FOXP2: variants seen among roughly 807,000 people sequenced by gnomAD.
FOXP2 encodes forkhead box P2.
In FOXP2, 12 loss-of-function variants were observed where a neutral mutation model predicts 115.8. That is an observed-to-expected ratio of 0.10 (90% CI 0.07 to 0.17). The LOEUF (loss-of-function observed/expected upper bound fraction) is 0.17. Among genes scored for constraint, FOXP2 ranks in the 10% least tolerant of loss-of-function variants. The probability of loss-of-function intolerance (pLI) is 1.00; values close to 1 mark genes in which losing one functional copy is unlikely to be tolerated. For missense variants in FOXP2, 629 were observed against 843.5 expected, an observed-to-expected ratio of 0.75 and a Z score of 3.15; for synonymous variants, 328 against 297.7, an observed-to-expected ratio of 1.10 and a Z score of -1.05.
chr7:114,250,137 A>G (rs1362976874), intron 1 of FOXP2, among the ~76,000 whole-genome samples: 1 of 151,966 alleles, frequency 6.6e-6, no homozygotes, highest in Non-Finnish European at 1.5e-5. Context: ...CTCATTTTTT[A>G]TGGCTGCATA....
intron 2 of FOXP2, among the ~76,000 whole-genome samples, chr7:114,452,325 TA>T (rs1272720233): frequency 1.3e-4 from 19 of 151,424 alleles, no homozygotes; most frequent in African/African-American, 4.8e-5. Flanking sequence ...ATGTGCAACT[TA>T]AAAAAAAATC....
intron 2 of FOXP2, among the ~76,000 whole-genome samples, chr7:114,512,898 A>G (rs1798144907): frequency 6.6e-6 from 1 of 152,122 alleles, no homozygotes; most frequent in African/African-American, 2.4e-5. Flanking sequence ...CCTGGCAAAC[A>G]TGGTGAAACC....
At chr7:114,305,180 C>T (rs1213196552) in intron 2 of FOXP2, among the ~76,000 whole-genome samples, 2 of 152,078 alleles carry the variant, frequency 1.3e-5, no homozygotes, top group Non-Finnish European at 2.9e-5. Flanking sequence ...TATTTAACGT[C>T]AACTGAATTG....
intron 1 of FOXP2, among the ~76,000 whole-genome samples, chr7:114,105,237 G>T (rs73206250): frequency 9.2e-5 from 14 of 151,938 alleles, no homozygotes; most frequent in Non-Finnish European, 2.1e-4. Flanking sequence ...TTAGCCTTTT[G>T]TCTCAATATA....
At chr7:114,655,383 A>C (rs1806526897) in intron 10 of FOXP2, among the ~76,000 whole-genome samples, 1 of 152,210 alleles carries the variant, frequency 6.6e-6, no homozygotes, top group Non-Finnish European at 1.5e-5. Flanking sequence ...AACCTGAATG[A>C]ATAATGTAAT....
At chr7:114,313,902 T>A (rs1296482842) in intron 2 of FOXP2, among the ~76,000 whole-genome samples, 2 of 152,234 alleles carry the variant, frequency 1.3e-5, no homozygotes, top group South Asian at 4.1e-4. Flanking sequence ...TTATCTTGAG[T>A]CTAGTTGTAA....
chr7:114,304,894 A>C (rs1337515158), intron 2 of FOXP2, among the ~76,000 whole-genome samples: 1 of 152,124 alleles, frequency 6.6e-6, no homozygotes, highest in Non-Finnish European at 1.5e-5. Flanking sequence ...TAGAACATTT[A>C]AGAACAGAAA....
intron 2 of FOXP2, among the ~76,000 whole-genome samples, chr7:114,458,967 G>A (rs529130527): frequency 6.6e-6 from 1 of 152,194 alleles, no homozygotes; most frequent in East Asian, 1.9e-4. Flanking sequence ...GTGGTGGCTG[G>A]CTTCATCCGG....
At chr7:114,290,763 A>G (rs1796571002) in intron 2 of FOXP2, among the ~76,000 whole-genome samples, 1 of 152,130 alleles carries the variant, frequency 6.6e-6, no homozygotes, top group South Asian at 2.1e-4. Context: ...GATAGTTCCA[A>G]TACAAACCTA....
chr7:114,108,495 A>AT (rs201058478), intron 1 of FOXP2, among the ~76,000 whole-genome samples: 1,781 of 152,026 alleles, frequency 0.012, 18 homozygotes, highest in Middle Eastern at 0.038. Flanking sequence ...TTCAAATCTA[A>AT]TAGACTGATT....
At chr7:114,453,267 A>T (rs899853784) in intron 2 of FOXP2, among the ~76,000 whole-genome samples, 1 of 152,116 alleles carries the variant, frequency 6.6e-6, no homozygotes, top group Non-Finnish European at 1.5e-5. Flanking sequence ...AACTGAAGAG[A>T]TGGGAGAACC....
intron 3 of FOXP2, among the ~76,000 whole-genome samples, chr7:114,556,304 C>T (rs1195489983): frequency 6.6e-6 from 1 of 152,110 alleles, no homozygotes; most frequent in African/African-American, 2.4e-5. Context: ...CTCTATTCCT[C>T]ATTTATCCTT....
At chr7:114,413,917 A>AAAC (rs1040238143), upstream of FOXP2, among the ~76,000 whole-genome samples, 4 of 152,100 alleles carry the variant, frequency 2.6e-5, no homozygotes, top group African/African-American at 7.2e-5. Context: ...GGGTGCTGTT[A>AAAC]AAGCTTGTCC....
chr7:114,373,567 C>G (rs1389537732), intron 2 of FOXP2, among the ~76,000 whole-genome samples: 1 of 152,188 alleles, frequency 6.6e-6, no homozygotes, highest in Admixed American at 6.5e-5. Context: ...CTTTCTTATT[C>G]TACTTTTCAA....
At chr7:114,089,143 G>A (rs377131305) in intron 1 of FOXP2, among the ~76,000 whole-genome samples, 2 of 151,778 alleles carry the variant, frequency 1.3e-5, no homozygotes, top group South Asian at 4.1e-4. Flanking sequence ...GCTTCCTTAC[G>A]ACACACACTA....
chr7:114,264,976 A>G (rs1304219158), intron 1 of FOXP2, among the ~76,000 whole-genome samples: 1 of 152,194 alleles, frequency 6.6e-6, no homozygotes, highest in African/African-American at 2.4e-5. Flanking sequence ...ACTTCCCACC[A>G]GGCCCTACTT....
chr7:114,121,839 C>G (rs77179623), intron 1 of FOXP2, among the ~76,000 whole-genome samples: 19 of 152,000 alleles, frequency 1.3e-4, no homozygotes. Context: ...CAGAATAGGA[C>G]CAAATAGGTA....
Position 114,572,353 on chromosome 7 carries a change from A to G in FOXP2, c.258+37647A>G, listed in dbSNP as rs560112327. Among the ~76,000 whole-genome samples the G allele has an allele frequency of 2.6e-5, 4 of 151,752 alleles. No homozygotes were observed. In the South Asian group the frequency reaches 8.3e-4, roughly 31 times the overall value. ...TTGTGGCCTCATTCACTTTAATCCT[A>G]TAGTATTTGGTCCCCCTAAGCTTTT... On this transcript the variant is annotated intron_variant, in intron 3 of 16. Transcript: ENST00000350908.
intron 2 of FOXP2, among the ~76,000 whole-genome samples, chr7:114,386,512 G>T (rs572288801): frequency 6.6e-6 from 1 of 152,202 alleles, no homozygotes; most frequent in Admixed American, 6.5e-5. Flanking sequence ...CAGAGATGAG[G>T]GTTTCTCCTG....
Sources: allele counts gnomAD v4.1 joint callset (sites outside exome capture counted in the v4.1 genomes callset), GRCh38; gene constraint gnomAD v4.1.1; transcripts MANE v1.5; gene names NCBI Gene and HGNC (gene_info 2026-07-23, HGNC 2026-07-21).